The following ARHGAP12 variants were observed in gnomAD, a reference collection of about 807,000 sequenced individuals.
The protein encoded by ARHGAP12 is Rho GTPase activating protein 12.
Under a neutral mutation model 108.6 loss-of-function variants are expected in ARHGAP12, and 64 were observed. The ratio of observed to expected loss-of-function variants is 0.59; its 90% CI spans 0.48 to 0.73. The LOEUF is 0.73. ARHGAP12 is among the 30% of genes least tolerant of loss of function. The probability of loss-of-function intolerance (pLI) is 0.00; values close to 1 mark genes in which losing one functional copy is unlikely to be tolerated. For missense variants in ARHGAP12, 940 were observed against 1,005.9 expected (o/e 0.93, Z 0.89); for synonymous variants, 312 against 337.2 (o/e 0.93, Z 0.82).
chr10:31,862,699 C>T (rs1564397064), intron 3 of ARHGAP12, among the ~76,000 whole-genome samples: 1 of 55,200 alleles, frequency 1.8e-5, no homozygotes, highest in East Asian at 9.4e-4. Context: ...GGCGCATGCA[C>T]ACACAGACAC....
At chr10:31,837,427 A>G (rs367866674) in intron 9 of ARHGAP12, among the ~76,000 whole-genome samples, 4 of 152,254 alleles carry the variant, frequency 2.6e-5, no homozygotes, top group Non-Finnish European at 2.9e-5. Flanking sequence ...AACTTCTTTT[A>G]GGAATTTAAA....
At chr10:31,915,710 AGT>A (rs1009926605) in intron 1 of ARHGAP12, among the ~76,000 whole-genome samples, 5 of 152,232 alleles carry the variant, frequency 3.3e-5, no homozygotes, top group African/African-American at 1.2e-4. Context: ...AAAAACATAC[AGT>A]GTTATCAATT....
At chr10:31,917,086 C>T (rs1407217070) in intron 1 of ARHGAP12, among the ~76,000 whole-genome samples, 2 of 151,954 alleles carry the variant, frequency 1.3e-5, no homozygotes, top group South Asian at 2.1e-4. Context: ...TCAAATCCTC[C>T]GAGTATTTTT....
intron 6 of ARHGAP12, among the ~76,000 whole-genome samples, chr10:31,844,652 G>C (rs1836384830): frequency 6.6e-6 from 1 of 150,978 alleles, no homozygotes. Flanking sequence ...TCCTGTCCCA[G>C]CCATTTGAGT....
At chr10:31,884,218 T>C (rs1838105994) in intron 3 of ARHGAP12, among the ~76,000 whole-genome samples, 2 of 151,614 alleles carry the variant, frequency 1.3e-5, no homozygotes, top group South Asian at 2.1e-4. Flanking sequence ...TATTTAGTAT[T>C]AGAAAACAAA....
At chr10:31,818,811 G>A (rs1446331806) in intron 12 of ARHGAP12, among the ~76,000 whole-genome samples, 2 of 152,136 alleles carry the variant, frequency 1.3e-5, no homozygotes, top group African/African-American at 4.8e-5. Context: ...AGGGTGCACT[G>A]TGATTTTCTA....
intron 12 of ARHGAP12, among the ~76,000 whole-genome samples, chr10:31,819,356 C>T (rs928110018): frequency 3.3e-5 from 5 of 152,076 alleles, no homozygotes; most frequent in African/African-American, 1.2e-4. Context: ...ACAGGAAAGC[C>T]CTGAGACATG....
intron 1 of ARHGAP12, among the ~76,000 whole-genome samples, chr10:31,920,133 A>G (rs1223423422): frequency 1.3e-5 from 2 of 151,040 alleles, no homozygotes; most frequent in Non-Finnish European, 2.9e-5. Flanking sequence ...AATACTAAAA[A>G]GCAAACAAAC....
chr10:31,861,763 CAT>C (rs985700729), intron 3 of ARHGAP12, 105 bp from the exon 4 acceptor site: 21 of 1,034,628 alleles, frequency 2.0e-5, no homozygotes, highest in Non-Finnish European at 2.9e-5. Context: ...CATTTTAAAA[CAT>C]ATATACAGGT....
chr10:31,881,102 G>A (rs973598797), intron 3 of ARHGAP12, among the ~76,000 whole-genome samples: 1 of 151,344 alleles, frequency 6.6e-6, no homozygotes, highest in Admixed American at 6.6e-5. Flanking sequence ...AGCCTCCTGA[G>A]TGTCTGAGAC....
Position 31,807,572 on chromosome 10 carries a change from G to C in ARHGAP12, c.*86C>G, listed in dbSNP as rs1436473555. 55 of 1,376,428 alleles carry C rather than the reference G, an allele frequency of 4.0e-5. No individual in the cohort carries two copies. The highest frequency in any genetic ancestry group is 5.2e-5 in the Non-Finnish European group (53 of 1,023,964). 85.3% of individuals were successfully genotyped at this position (1,376,428 alleles called of 1,614,324 possible). On this transcript the variant is annotated 3_prime_UTR_variant, in exon 20 of 20. Transcript: ENST00000344936. ...GTGCAAAATCAAAGAGTCACTGCTT[G>C]GTCCAAAAAATAAAATACATTGTGT...
At chr10:31,916,559 A>G (rs186221316) in intron 1 of ARHGAP12, among the ~76,000 whole-genome samples, 2 of 152,326 alleles carry the variant, frequency 1.3e-5, no homozygotes, top group East Asian at 3.9e-4. Context: ...TAACCAACCA[A>G]TCTGTTTAAG....
At chr10:31,868,894 G>C (rs1384587405) in intron 3 of ARHGAP12, among the ~76,000 whole-genome samples, 1 of 152,026 alleles carries the variant, frequency 6.6e-6, no homozygotes, top group Non-Finnish European at 1.5e-5. Context: ...CTCTAGCCTG[G>C]GTTTCAGAGT....
intron 9 of ARHGAP12, among the ~76,000 whole-genome samples, chr10:31,837,509 A>T (rs890755074): frequency 7.2e-5 from 11 of 152,234 alleles, no homozygotes; most frequent in Non-Finnish European, 1.3e-4. Flanking sequence ...TTGAGAGTTC[A>T]GATAAAGAAG....
chr10:31,884,049 G>C (rs1838095276), intron 3 of ARHGAP12, among the ~76,000 whole-genome samples: 1 of 139,448 alleles, frequency 7.2e-6, no homozygotes, highest in South Asian at 2.3e-4. Flanking sequence ...GTTCCAATAA[G>C]TGAATATTAG....
chr10:31,817,499 T>C (rs905082368), intron 13 of ARHGAP12, among the ~76,000 whole-genome samples: 1 of 152,334 alleles, frequency 6.6e-6, no homozygotes, highest in African/African-American at 2.4e-5. Context: ...ATAAATACTA[T>C]GTAGTAAGCA....
At chr10:31,847,907 G>C (rs894315663) in intron 6 of ARHGAP12, among the ~76,000 whole-genome samples, 1 of 152,154 alleles carries the variant, frequency 6.6e-6, no homozygotes, top group African/African-American at 2.4e-5. Flanking sequence ...ATAATAAACA[G>C]AGACAGTGTG....
chr10:31,883,139 T>C (rs1838047714), intron 3 of ARHGAP12, among the ~76,000 whole-genome samples: 1 of 150,932 alleles, frequency 6.6e-6, no homozygotes, highest in Non-Finnish European at 1.5e-5. Flanking sequence ...CTACTAAAAA[T>C]ACAAAACTAG....
rs750547282 is a variant in ARHGAP12 at position 31,908,412 on chromosome 10, T to G, written c.444A>C (p.Leu148=). Residue 148 remains leucine (L), a synonymous_variant, in exon 3 of 20, where the codon CTA becomes CTC. Coordinates refer to ENST00000344936, the MANE Select transcript of ARHGAP12 (RefSeq NM_018287.7). The part of the protein sequence containing the change: ...PSYNQGQTVN[L]SLDLTHNNGK... ...CGTTATTATGGGTCAGGTCCAGGCT[T>G]AGGTTGACAGTCTGACCTTGATTAT... is the stretch of plus-strand genomic sequence containing the variant. 6.2e-7 allele frequency: 1 copy of G among 1,614,170 alleles called. No homozygotes were observed. The highest frequency in any genetic ancestry group is 8.5e-7 in the Non-Finnish European group (1 of 1,180,018).
Sources: gnomAD v4.1 joint callset for allele counts (sites outside exome capture counted in the v4.1 genomes callset) on GRCh38, gnomAD v4.1.1 for gene constraint, MANE v1.5 for transcripts, NCBI Gene and HGNC (gene_info 2026-07-23, HGNC 2026-07-21) for gene names.